The following NRBF2 variants were observed in gnomAD, a reference collection of about 807,000 sequenced individuals.
NRBF2 encodes the protein nuclear receptor-binding factor 2.
NRBF2 carries 12 observed loss-of-function variants against 28.5 expected under a neutral mutation model. The observed-to-expected ratio is 0.42, with a 90% CI of 0.27 to 0.68. The LOEUF is 0.68. Among genes scored for constraint, NRBF2 ranks in the 30% least tolerant of loss-of-function variants. The pLI is 0.24. For synonymous variants in NRBF2, 102 were observed against 116.5 expected, an observed-to-expected ratio of 0.88 and a Z score of 0.80; for missense variants, 274 against 333.5, an observed-to-expected ratio of 0.82 and a Z score of 1.39.
rs939411034 is a variant in NRBF2, at chr10:63,150,402, CT to C, written c.116-1745del. The C allele has an allele frequency of 1.5e-4, 142 of 959,274 alleles. 1 individual carries two copies. The African/African-American group carries it at 2.3e-3, about 16-fold the overall frequency. The allele number at this position is 959,274 out of a possible 1,614,324, so 59.4% of individuals were successfully genotyped here. ...GACTGTATAACCAACTCTGTTTTTT[CT>C]TTCCTTTTTTTTTTTTAAATTCTTT... On this transcript the variant is annotated intron_variant, in intron 2 of 3. Transcript: ENST00000277746.
intron 2 of NRBF2, among the ~76,000 whole-genome samples, chr10:63,146,606 G>A (rs370650908): frequency 6.6e-6 from 1 of 152,170 alleles, no homozygotes; most frequent in Non-Finnish European, 1.5e-5. Flanking sequence ...AGGAGTTTGG[G>A]TTTCAAATAG....
intron 2 of NRBF2, among the ~76,000 whole-genome samples, chr10:63,151,641 C>T (rs1361443726): frequency 6.6e-6 from 1 of 152,098 alleles, no homozygotes. Flanking sequence ...TTATACTGTC[C>T]TCAGTAACTT....
Position 63,133,439 on chromosome 10 carries a change from C to A in NRBF2, c.-32C>A. On this transcript the variant is annotated 5_prime_UTR_variant, in exon 1 of 4. Transcript: ENST00000277746. ...CCATGTTCCCCGGCGCCACTACTCC[C>A]CTTCCTAAGGCCGCCGCTTACCCCG... 6.2e-7 allele frequency: 1 copy of A among 1,611,454 alleles called. No individual in the cohort carries two copies. Among genetic ancestry groups the A allele is most frequent in the Non-Finnish European group, 8.5e-7 (1 of 1,178,726 alleles).
chr10:63,144,347 T>C (rs1255608429), intron 1 of NRBF2, among the ~76,000 whole-genome samples: 1 of 152,088 alleles, frequency 6.6e-6, no homozygotes, highest in Admixed American at 6.6e-5. Flanking sequence ...CTTTTATGAC[T>C]GGCTTATTTT....
intron 1 of NRBF2, among the ~76,000 whole-genome samples, chr10:63,138,849 A>G (rs752187976): frequency 7.2e-5 from 11 of 152,214 alleles, no homozygotes; most frequent in Non-Finnish European, 1.0e-4. Context: ...TTGATTTGAG[A>G]TAACTGTTTG....
At chr10:63,144,638 G>A (rs1049501559) in intron 1 of NRBF2, among the ~76,000 whole-genome samples, 4 of 151,910 alleles carry the variant, frequency 2.6e-5, no homozygotes, top group African/African-American at 9.7e-5. Context: ...AGATGGTCTC[G>A]ATCTCCTGAC....
chr10:63,143,701 C>G (rs1841511635), intron 1 of NRBF2, among the ~76,000 whole-genome samples: 1 of 151,748 alleles, frequency 6.6e-6, no homozygotes, highest in Admixed American at 6.6e-5. Context: ...ATCCACCCGC[C>G]TTGGCCTCCG....
intron 2 of NRBF2, among the ~76,000 whole-genome samples, chr10:63,148,421 A>T (rs1841596996): frequency 2.0e-5 from 3 of 152,202 alleles, no homozygotes; most frequent in African/African-American, 4.8e-5. Flanking sequence ...TAGGGCTTAT[A>T]ACTGGTCTTG....
At chr10:63,152,931 G>C (rs1297385490) in intron 3 of NRBF2, among the ~76,000 whole-genome samples, 1 of 152,220 alleles carries the variant, frequency 6.6e-6, no homozygotes, top group Non-Finnish European at 1.5e-5. Flanking sequence ...CTGAGTCCAA[G>C]GCTGCAGTGA....
chr10:63,145,528 A>C (rs1027443366), intron 1 of NRBF2, among the ~76,000 whole-genome samples: 1 of 152,226 alleles, frequency 6.6e-6, no homozygotes, highest in Non-Finnish European at 1.5e-5. Context: ...TTTTGAAATT[A>C]TTAAAGTGTA....
chr10:63,144,714 C>A (rs999230471), intron 1 of NRBF2, among the ~76,000 whole-genome samples: 3 of 152,244 alleles, frequency 2.0e-5, no homozygotes, highest in African/African-American at 7.2e-5. Context: ...CCGCGCCCGG[C>A]CAGAATTACC....
intron 2 of NRBF2, among the ~76,000 whole-genome samples, chr10:63,149,152 T>C (rs1195673222): frequency 1.3e-5 from 2 of 152,246 alleles, no homozygotes; most frequent in Non-Finnish European, 2.9e-5. Flanking sequence ...AGACAGAGTC[T>C]TGCTCTGTTG....
chr10:63,139,647 G>T (rs1386132397), intron 1 of NRBF2, among the ~76,000 whole-genome samples: 2 of 152,216 alleles, frequency 1.3e-5, no homozygotes, highest in African/African-American at 4.8e-5. Flanking sequence ...GAGCCTGTCA[G>T]TCCGACTTAA....
At chr10:63,143,888 G>A (rs1431820572) in intron 1 of NRBF2, among the ~76,000 whole-genome samples, 2 of 151,728 alleles carry the variant, frequency 1.3e-5, no homozygotes, top group Non-Finnish European at 2.9e-5. Flanking sequence ...CAGTAGCTGG[G>A]ACTACTACTA....
chr10:63,139,910 T>A (rs1293950844), intron 1 of NRBF2, among the ~76,000 whole-genome samples: 1 of 151,606 alleles, frequency 6.6e-6, no homozygotes, highest in Non-Finnish European at 1.5e-5. Context: ...CCGAGGCAGG[T>A]GGACTGCTTG....
At chr10:63,136,568 GGT>G (rs1439793638) in intron 1 of NRBF2, among the ~76,000 whole-genome samples, 1 of 152,200 alleles carries the variant, frequency 6.6e-6, no homozygotes, top group African/African-American at 2.4e-5. Flanking sequence ...AACTTAGTAA[GGT>G]GTGTTTTCCA....
chr10:63,134,112 G>A (rs1841338090), intron 1 of NRBF2, among the ~76,000 whole-genome samples: 2 of 151,886 alleles, frequency 1.3e-5, no homozygotes, highest in South Asian at 4.2e-4. Context: ...AAAGACAGCC[G>A]TTCCTGTATT....
chr10:63,141,875 G>C (rs1030139388), intron 1 of NRBF2, among the ~76,000 whole-genome samples: 2 of 152,194 alleles, frequency 1.3e-5, no homozygotes, highest in Non-Finnish European at 2.9e-5. Flanking sequence ...ACCTAGAGGA[G>C]ATGGTGTGTT....
chr10:63,145,475 C>T (rs969307282), intron 1 of NRBF2, among the ~76,000 whole-genome samples: 1 of 152,314 alleles, frequency 6.6e-6, no homozygotes, highest in Non-Finnish European at 1.5e-5. Flanking sequence ...TCCCAAAGTG[C>T]TGGGATTACA....
Sources: gnomAD v4.1 joint callset for allele counts (sites outside exome capture counted in the v4.1 genomes callset) on GRCh38, gnomAD v4.1.1 for gene constraint, MANE v1.5 for transcripts, NCBI Gene and HGNC (gene_info 2026-07-23, HGNC 2026-07-21) for gene names.